CRACDL: variants seen among roughly 807,000 people sequenced by gnomAD.
CRACDL encodes the protein CRACD-like protein.
Under a neutral mutation model 70.6 loss-of-function variants are expected in CRACDL, and 26 were observed. That is an observed-to-expected ratio of 0.37 (90% CI 0.27 to 0.51). The LOEUF (loss-of-function observed/expected upper bound fraction) is 0.51. Ranked by LOEUF, CRACDL falls within the 20% of genes least tolerant of loss-of-function variation. The pLI, the probability that CRACDL is intolerant of heterozygous loss-of-function variation, is 0.94. For synonymous variants in CRACDL, 618 were observed against 615.2 expected, an observed-to-expected ratio of 1.00 and a Z score of -0.07; for missense variants, 1,283 against 1,376.9, an observed-to-expected ratio of 0.93 and a Z score of 1.08.
chr2:98,795,951 C>G (rs1208410159), intron 9 of CRACDL, among the ~76,000 whole-genome samples, 169 bp downstream of exon 9: 1 of 152,154 alleles, frequency 6.6e-6, no homozygotes, highest in African/African-American at 2.4e-5. Flanking sequence ...GAACTGTACA[C>G]TAAAATGGAT....
intron 1 of CRACDL, among the ~76,000 whole-genome samples, chr2:98,876,487 T>C (rs763588663): frequency 9.2e-5 from 14 of 152,126 alleles, no homozygotes; most frequent in African/African-American, 3.1e-4. Context: ...TAGATTCTCA[T>C]AGGAGTGCGA....
intron 1 of CRACDL, among the ~76,000 whole-genome samples, chr2:98,863,103 A>G (rs955833589): frequency 6.6e-6 from 1 of 152,190 alleles, no homozygotes; most frequent in African/African-American, 2.4e-5. Flanking sequence ...AAGACACATT[A>G]TAATCAAACT....
At position 98,822,680 on chromosome 2, in the gene CRACDL, G is replaced by T; in HGVS notation, c.1593C>A (p.Asp531Glu). 9.4e-6 allele frequency: 12 copies of T among 1,272,814 alleles called. No homozygotes were observed. Among genetic ancestry groups the T allele is most frequent in the Non-Finnish European group, 1.1e-5 (11 of 1,012,824 alleles). The allele number at this position is 1,272,814 out of a possible 1,614,324, so 78.8% of individuals were successfully genotyped here. A position where few individuals can be genotyped will look rare whatever the true frequency, so the allele number is the denominator to read the frequency against. ...PPVEPGPGSLDAEAAAPERPK... is the reference protein window; with the variant it reads ...PPVEPGPGSLEAEAAAPERPK... ...GGCGCTCCGGGGCGGCGGCCTCTGC[G>T]TCGAGGGAACCGGGGCCGGGCTCCA... is the stretch of plus-strand genomic sequence containing the variant. Residue 531 changes from aspartate (D) to glutamate (E), a missense_variant, in exon 7 of 10, where the codon GAC (aspartate) becomes GAA (glutamate). Transcript: ENST00000397899. The surrounding 1 kb of genome is among the most constrained non-coding windows in gnomAD (Gnocchi z 4.9).
At chr2:98,813,822 CCAGT>C (rs1399682099) in intron 7 of CRACDL, among the ~76,000 whole-genome samples, 4 of 152,136 alleles carry the variant, frequency 2.6e-5, no homozygotes, top group Admixed American at 6.5e-5. Context: ...GTAGAAATCA[CCAGT>C]CAAACCACGT....
At chr2:98,873,048 G>A (rs1707391519) in intron 1 of CRACDL, among the ~76,000 whole-genome samples, 1 of 152,202 alleles carries the variant, frequency 6.6e-6, no homozygotes, top group Non-Finnish European at 1.5e-5. Flanking sequence ...CGAGGATTTG[G>A]AGTTAAGTTA....
At chr2:98,880,599 AG>A (rs1370528930) in intron 1 of CRACDL, among the ~76,000 whole-genome samples, 1 of 152,090 alleles carries the variant, frequency 6.6e-6, no homozygotes, top group Non-Finnish European at 1.5e-5. Context: ...GGGTGTTTGC[AG>A]GGTGTCTGCC....
chr2:98,855,958 AACAGAG>A (rs1384287430), intron 1 of CRACDL, among the ~76,000 whole-genome samples: 3 of 152,196 alleles, frequency 2.0e-5, no homozygotes, highest in African/African-American at 7.2e-5. Flanking sequence ...GAAAAAAATG[AACAGAG>A]ACTCAGAAAA....
At chr2:98,905,207 A>G (rs1320787353) in intron 1 of CRACDL, among the ~76,000 whole-genome samples, 2 of 141,440 alleles carry the variant, frequency 1.4e-5, no homozygotes, top group Non-Finnish European at 3.1e-5. Flanking sequence ...CCGAGATTGC[A>G]CCACTGCACT....
Position 98,889,491 on chromosome 2 carries a change from T to C in CRACDL, c.-10-42681A>G, listed in dbSNP as rs183959340. Among the ~76,000 whole-genome samples, 4 of 152,276 alleles carry C rather than the reference T, an allele frequency of 2.6e-5. No homozygotes were observed. The East Asian group carries it at 5.8e-4, about 22-fold the overall frequency. ...TCAAGATTAAACAACCACACACATA[T>C]GTGCATCTAATATCAGAGGCCAAAA... On this transcript the variant is annotated intron_variant, in intron 1 of 9. Transcript: ENST00000397899.
intron 1 of CRACDL, among the ~76,000 whole-genome samples, chr2:98,862,056 G>A (rs1483585451): frequency 6.6e-6 from 1 of 152,156 alleles, no homozygotes; most frequent in Non-Finnish European, 1.5e-5. Context: ...TAATGGGCTG[G>A]TACCCTTTTT....
chr2:98,830,912 AG>A (rs1164340618), intron 5 of CRACDL, among the ~76,000 whole-genome samples: 1 of 152,114 alleles, frequency 6.6e-6, no homozygotes, highest in African/African-American at 2.4e-5. Context: ...GGATGGGAGG[AG>A]GGGGAGTCCA....
intron 8 of CRACDL, 116 bp from the exon 9 acceptor site, chr2:98,796,380 T>C: frequency 9.4e-7 from 1 of 1,065,744 alleles, no homozygotes; most frequent in Non-Finnish European, 1.4e-6. Flanking sequence ...CTGCTGGCAC[T>C]TTCTCGGGAG....
At chr2:98,798,101 T>G (rs767247561) in intron 7 of CRACDL, among the ~76,000 whole-genome samples, 3 of 152,314 alleles carry the variant, frequency 2.0e-5, no homozygotes, top group South Asian at 2.1e-4. Flanking sequence ...CCCAACTCTC[T>G]GGAAGGCCAA....
chr2:98,860,652 G>C (rs922504310), intron 1 of CRACDL, among the ~76,000 whole-genome samples: 6 of 152,196 alleles, frequency 3.9e-5, no homozygotes, highest in Non-Finnish European at 8.8e-5. Flanking sequence ...TAAATTGTAA[G>C]TGCTAAAACT....
Position 98,821,987 on chromosome 2 carries a change from C to T in CRACDL, c.2286G>A (p.Leu762=). Reference sequence around the variant, plus strand: ...AGCTCTGCAGAAGCGGCTTCCGGGGCAGGGGCGGCTTGGAGCTGAGCGGCT... The same window carrying T: ...AGCTCTGCAGAAGCGGCTTCCGGGGTAGGGGCGGCTTGGAGCTGAGCGGCT... ...PPEPLSSKPP[L]PRKPLLQSFT... The change falls in exon 7 of 10, where the codon CTG becomes CTA. Residue 762 remains leucine (L), a synonymous_variant. Transcript: ENST00000397899. The T allele has an allele frequency of 6.5e-7, 1 of 1,529,774 alleles. No homozygotes were observed. Among genetic ancestry groups the T allele is most frequent in the Non-Finnish European group, 8.8e-7 (1 of 1,138,996 alleles). 94.8% of individuals were successfully genotyped at this position (1,529,774 alleles called of 1,614,324 possible).
At chr2:98,886,354 T>C (rs773170411) in intron 1 of CRACDL, among the ~76,000 whole-genome samples, 3 of 152,220 alleles carry the variant, frequency 2.0e-5, no homozygotes, top group Non-Finnish European at 4.4e-5. Context: ...ACTTCACAGC[T>C]GCCTGAGGAA....
intron 1 of CRACDL, among the ~76,000 whole-genome samples, chr2:98,886,361 G>A (rs980221714): frequency 1.9e-4 from 29 of 152,220 alleles, no homozygotes; most frequent in African/African-American, 6.5e-4. Flanking sequence ...AGCTGCCTGA[G>A]GAAGTGAATA....
intron 3 of CRACDL, among the ~76,000 whole-genome samples, chr2:98,835,568 AT>A (rs1705738264): frequency 6.6e-6 from 1 of 152,200 alleles, no homozygotes; most frequent in South Asian, 2.1e-4. Flanking sequence ...ATTAAAGCAA[AT>A]CAAATATATA....
chr2:98,868,663 T>C (rs754189352), intron 1 of CRACDL, among the ~76,000 whole-genome samples: 12 of 152,096 alleles, frequency 7.9e-5, no homozygotes, highest in Non-Finnish European at 1.2e-4. Flanking sequence ...GAGCTTTAGG[T>C]AGTGGCATAA....
Sources: allele counts gnomAD v4.1 joint callset (sites outside exome capture counted in the v4.1 genomes callset), GRCh38; gene constraint gnomAD v4.1.1; non-coding constraint Gnocchi (gnomAD v3.1); transcripts MANE v1.5; gene names NCBI Gene and HGNC (gene_info 2026-07-23, HGNC 2026-07-21).